The following UGT1A1 variants were observed in gnomAD, a reference collection of about 807,000 sequenced individuals.
UGT1A1 encodes the protein UDP glucuronosyltransferase family 1 member A1, also known as UDP-glucuronosyltransferase 1A1.
In UGT1A1, 33 loss-of-function variants were observed where a neutral mutation model predicts 40.6. The observed-to-expected ratio is 0.81, with a 90% CI of 0.62 to 1.09. The LOEUF (loss-of-function observed/expected upper bound fraction) is 1.09. Among genes scored for constraint, UGT1A1 ranks in the 50% least tolerant of loss-of-function variants. The pLI, the probability that UGT1A1 is intolerant of heterozygous loss-of-function variation, is 0.00. For synonymous variants in UGT1A1, 249 were observed against 265.0 expected, an observed-to-expected ratio of 0.94 and a Z score of 0.59; for missense variants, 694 against 671.2, an observed-to-expected ratio of 1.03 and a Z score of -0.38.
intron 1 of UGT1A1, among the ~76,000 whole-genome samples, chr2:233,761,639 G>A (rs1340532947): frequency 3.9e-5 from 6 of 152,230 alleles, no homozygotes; most frequent in Non-Finnish European, 5.9e-5. Context: ...CCTGCAGTCC[G>A]TTCTCTTCTA....
chr2:233,766,956 T>C (rs1699290274), intron 1 of UGT1A1, 78 bp from the exon 2 acceptor site: 3 of 1,604,724 alleles, frequency 1.9e-6, no homozygotes, highest in Non-Finnish European at 2.5e-6. Flanking sequence ...GAGGAAGATA[T>C]CTAATTCATA....
At position 233,760,440 on chromosome 2, in the gene UGT1A1, G is replaced by A. The variant is rs1697447579; in HGVS notation, c.153G>A (p.Gln51=). 6.2e-7 allele frequency: 1 copy of A among 1,614,228 alleles called. No homozygotes were observed. The highest frequency in any genetic ancestry group is 8.5e-7 in the Non-Finnish European group (1 of 1,180,040). The change falls in exon 1 of 5, where the codon CAG becomes CAA. Residue 51 remains glutamine, a synonymous_variant. Coordinates refer to ENST00000305208, the MANE Select transcript of UGT1A1 (RefSeq NM_000463.3). ...LSMLGAIQQL[Q]QRGHEIVVLA... ...TGCTTGGGGCCATCCAGCAGCTGCA[G>A]CAGAGGGGACATGAAATAGTTGTCC...
At chr2:233,771,972 A>G (rs1700426237) in intron 4 of UGT1A1, among the ~76,000 whole-genome samples, 1 of 152,212 alleles carries the variant, frequency 6.6e-6, no homozygotes, top group African/African-American at 2.4e-5. Flanking sequence ...AAAATTGGCC[A>G]GACATAGTGG....
Position 233,772,570 on chromosome 2 carries a change from G to C in UGT1A1, c.*11G>C. Reference sequence around the variant, plus strand: ...TCCAAGACCCATTGAGAAGTGGGTGGGAAATAAGGTAAAATTTTGAACCAT... The same window carrying C: ...TCCAAGACCCATTGAGAAGTGGGTGCGAAATAAGGTAAAATTTTGAACCAT... On this transcript the variant is annotated 3_prime_UTR_variant, in exon 5 of 5. Coordinates refer to ENST00000305208, the MANE Select transcript of UGT1A1 (RefSeq NM_000463.3). The C allele has an allele frequency of 1.2e-6, 2 of 1,612,202 alleles. No individual in the cohort carries two copies. Among genetic ancestry groups the C allele is most frequent in the Non-Finnish European group, 1.7e-6 (2 of 1,179,006 alleles).
intron 4 of UGT1A1, chr2:233,770,813 A>G (rs910931761): frequency 2.0e-5 from 3 of 152,228 alleles, no homozygotes; most frequent in African/African-American, 7.2e-5. Flanking sequence ...ACAGTGTATT[A>G]GGCTGTTCTT....
rs543813427 is a variant in UGT1A1, at chr2:233,762,081, T to A, written c.864+930T>A. Among the ~76,000 whole-genome samples, 15 of 152,334 alleles carry A rather than the reference T, an allele frequency of 9.8e-5. No homozygotes were observed. In the South Asian group the frequency reaches 3.1e-3, roughly 32 times the overall value. On this transcript the variant is annotated intron_variant, in intron 1 of 4. Transcript: ENST00000305208. ...TAGCACATCAAATATGGCAGCCATT[T>A]CACTTAGATAGTTGTTGATTGTCCG...
At position 233,760,313 on chromosome 2, in the gene UGT1A1, G is replaced by T. The variant is rs761736540; in HGVS notation, c.26G>T (p.Arg9Leu). The part of the protein sequence containing the change: MAVESQGG[R>L]PLVLGLLLCV... Reference sequence around the variant, plus strand: ...ATGGCTGTGGAGTCCCAGGGCGGACGCCCACTTGTCCTGGGCCTGCTGCTG... The same window carrying T: ...ATGGCTGTGGAGTCCCAGGGCGGACTCCCACTTGTCCTGGGCCTGCTGCTG... The change falls in exon 1 of 5, where the codon CGC (arginine) becomes CTC (leucine). Residue 9 changes from arginine to leucine, a missense_variant. Transcript: ENST00000305208. 6.2e-7 allele frequency: 1 copy of T among 1,613,818 alleles called. No homozygotes were observed.
chr2:233,765,357 A>T (rs1425075140), intron 1 of UGT1A1, among the ~76,000 whole-genome samples: 2 of 152,244 alleles, frequency 1.3e-5, no homozygotes, highest in Non-Finnish European at 2.9e-5. Context: ...GAACCAACCC[A>T]GATGCCCATC....
rs368860136 is a variant in UGT1A1, at chr2:233,772,310, G to A, written c.1353G>A (p.Pro451=). The A allele has an allele frequency of 6.6e-5, 107 of 1,614,092 alleles. No individual in the cohort carries two copies. The highest frequency in any genetic ancestry group is 2.5e-4 in the African/African-American group (19 of 74,926). ...MRLSSLHKDR[P]VEPLDLAVFW... ...TCTCCAGCCTTCACAAGGACCGCCCGGTGGAGCCGCTGGACCTGGCCGTGT... is the reference window on the plus strand; with the variant it reads ...TCTCCAGCCTTCACAAGGACCGCCCAGTGGAGCCGCTGGACCTGGCCGTGT... Residue 451 remains proline, a synonymous_variant, in exon 5 of 5, where the codon CCG becomes CCA. Transcript: ENST00000305208.
intron 1 of UGT1A1, among the ~76,000 whole-genome samples, chr2:233,761,398 A>G (rs1697764462): frequency 6.6e-6 from 1 of 152,192 alleles, no homozygotes; most frequent in Non-Finnish European, 1.5e-5. Context: ...AGTGGATAGT[A>G]ATCAATTAGA....
intron 1 of UGT1A1, among the ~76,000 whole-genome samples, chr2:233,762,527 A>C (rs1575790124): frequency 4.6e-5 from 7 of 152,228 alleles, no homozygotes; most frequent in Admixed American, 3.9e-4. Context: ...ATTTCATGGT[A>C]CTTGTGTACC....
chr2:233,766,265 G>A (rs1699086397), intron 1 of UGT1A1, among the ~76,000 whole-genome samples: 1 of 67,776 alleles, frequency 1.5e-5, no homozygotes, highest in Admixed American at 1.4e-4. Flanking sequence ...TCAGTGGCCC[G>A]GGCTCGGTGG....
intron 1 of UGT1A1, among the ~76,000 whole-genome samples, chr2:233,762,044 CATTTTCCTTCATAGCACATCAAATA>C (rs1208875045): frequency 1.3e-5 from 2 of 152,198 alleles, no homozygotes; most frequent in East Asian, 1.9e-4. Context: ...ATTTTCTGTG[CATTTTCCTTCATAGCACATCAAATA>C]TGGCAGCCAT....
At chr2:233,768,051 T>C in intron 3 of UGT1A1, 115 bp downstream of exon 3, 1 of 1,605,492 alleles carries the variant, frequency 6.2e-7, no homozygotes, top group South Asian at 1.1e-5. Flanking sequence ...CAACATATCC[T>C]ACATTGCTTT....
rs1326860704 is a variant in UGT1A1 at position 233,769,636 on chromosome 2, G to A, written c.1304+1197G>A. ...AGCTTGAGCAAGGGACAACAGGGGA[G>A]GACTGATGACTGACTTCCCACCTTT... On this transcript the variant is annotated intron_variant, in intron 4 of 4. Coordinates refer to ENST00000305208, the MANE Select transcript of UGT1A1 (RefSeq NM_000463.3). This position sits in a 1 kb window ranked among gnomAD's most constrained non-coding sequence, Gnocchi z 4.4. 6.8e-6 allele frequency: 11 copies of A among 1,610,668 alleles called. No homozygotes were observed. Among genetic ancestry groups the A allele is most frequent in the Non-Finnish European group, 8.5e-6 (10 of 1,178,970 alleles).
Position 233,772,789 on chromosome 2 carries a change from G to A in UGT1A1, c.*230G>A. ...CCCCTCTGGTGTCTTTGATCAGGAT[G>A]ACATGTGCCATTTTTCAGAGGACGT... On this transcript the variant is annotated 3_prime_UTR_variant, in exon 5 of 5. Coordinates refer to ENST00000305208, the MANE Select transcript of UGT1A1 (RefSeq NM_000463.3). 8.1e-7 allele frequency: 1 copy of A among 1,234,684 alleles called. No homozygotes were observed. Among genetic ancestry groups the A allele is most frequent in the Non-Finnish European group, 1.1e-6 (1 of 930,096 alleles). The allele number at this position is 1,234,684 out of a possible 1,614,324, so 76.5% of individuals were successfully genotyped here. A position where few individuals can be genotyped will look rare whatever the true frequency, so the allele number is the denominator to read the frequency against.
chr2:233,767,119 A>C lies in UGT1A1; in HGVS notation c.950A>C (p.Lys317Thr). 6.2e-7 allele frequency: 1 copy of C among 1,614,168 alleles called. No individual in the cohort carries two copies. Among genetic ancestry groups the C allele is most frequent in the Non-Finnish European group, 8.5e-7 (1 of 1,180,014 alleles). The change falls in exon 2 of 5, where the codon AAG (lysine) becomes ACG (threonine). Residue 317 changes from lysine (K) to threonine (T), a missense_variant. Physicochemically the swap from Lys to Thr is moderately conservative, Grantham distance 78. Coordinates refer to ENST00000305208, the MANE Select transcript of UGT1A1 (RefSeq NM_000463.3). ...TCAATGGTCTCAGAAATTCCAGAGA[A>C]GAAAGCTATGGCAATTGCTGATGCT... ...LGSMVSEIPE[K>T]KAMAIADALG...
At position 233,769,778 on chromosome 2, in the gene UGT1A1, C is replaced by T. The variant is rs1165754282; in HGVS notation, c.1304+1339C>T. On this transcript the variant is annotated intron_variant, in intron 4 of 4. Coordinates refer to ENST00000305208, the MANE Select transcript of UGT1A1 (RefSeq NM_000463.3). The surrounding 1 kb of genome is among the most constrained non-coding windows in gnomAD (Gnocchi z 4.4). Reference sequence around the variant, plus strand: ...GCTAAGGCGGGAGGATTGCTTGAGCCCAGAAGTTGGAGGCTGCTATGAGCC... The same window carrying T: ...GCTAAGGCGGGAGGATTGCTTGAGCTCAGAAGTTGGAGGCTGCTATGAGCC... 2 of 1,373,484 alleles carry T rather than the reference C, an allele frequency of 1.5e-6. No individual in the cohort carries two copies. Among genetic ancestry groups the T allele is most frequent in the East Asian group, 5.2e-5 (2 of 38,786 alleles). The allele number at this position is 1,373,484 out of a possible 1,614,324, so 85.1% of individuals were successfully genotyped here.
At chr2:233,771,789 T>TCCCA (rs1282834982) in intron 4 of UGT1A1, among the ~76,000 whole-genome samples, 7 of 144,234 alleles carry the variant, frequency 4.9e-5, no homozygotes, top group East Asian at 4.5e-4. Flanking sequence ...CCTCTCTCCC[T>TCCCA]CCCTCCCTCC....
Sources: allele counts gnomAD v4.1 joint callset (sites outside exome capture counted in the v4.1 genomes callset), GRCh38; gene constraint gnomAD v4.1.1; non-coding constraint Gnocchi (gnomAD v3.1); transcripts MANE v1.5; gene names NCBI Gene and HGNC (gene_info 2026-07-23, HGNC 2026-07-21).